RAB40B: variants seen among roughly 807,000 people sequenced by gnomAD.
The protein encoded by RAB40B is ras-related protein Rab-40B.
In RAB40B, 21 loss-of-function variants were observed where a neutral mutation model predicts 24.0. That is an observed-to-expected ratio of 0.88 (90% confidence interval 0.62 to 1.26). The LOEUF (loss-of-function observed/expected upper bound fraction) is 1.26. Among genes scored for constraint, RAB40B ranks in the 50% most tolerant of loss-of-function variants. RAB40B has a pLI of 0.00. For missense variants in RAB40B, 348 were observed against 390.5 expected, an observed-to-expected ratio of 0.89 and a Z score of 0.92; for synonymous variants, 167 against 169.8, an observed-to-expected ratio of 0.98 and a Z score of 0.13.
At chr17:82,668,561 G>T (rs1446131597) in intron 1 of RAB40B, among the ~76,000 whole-genome samples, 2 of 152,286 alleles carry the variant, frequency 1.3e-5, no homozygotes. Flanking sequence ...GGCTGAGGTG[G>T]CAAGGGCTGG....
chr17:82,681,857 A>G (rs1457736530), intron 1 of RAB40B, among the ~76,000 whole-genome samples: 2 of 152,158 alleles, frequency 1.3e-5, no homozygotes, highest in Non-Finnish European at 2.9e-5. Flanking sequence ...CAAACTAGGA[A>G]TACAATTCCC....
In RAB40B at chr17:82,657,856, G is replaced by T; in HGVS notation, c.*7C>A. ...GAGATTCCGCCGTGTTTCTTTCAGTGCCTTCCTTAAGAAATTTTGCAGCTG... is the reference window on the plus strand; with the variant it reads ...GAGATTCCGCCGTGTTTCTTTCAGTTCCTTCCTTAAGAAATTTTGCAGCTG... On this transcript the variant is annotated 3_prime_UTR_variant, in exon 6 of 6. Transcript: ENST00000571995. The T allele has an allele frequency of 6.5e-7, 1 of 1,529,830 alleles. No individual in the cohort carries two copies. Among genetic ancestry groups the T allele is most frequent in the Non-Finnish European group, 8.8e-7 (1 of 1,130,954 alleles). The allele number at this position is 1,529,830 out of a possible 1,614,324, so 94.8% of individuals were successfully genotyped here.
chr17:82,660,623 GCACA>G (rs150617991), intron 3 of RAB40B, among the ~76,000 whole-genome samples: 7 of 138,598 alleles, frequency 5.1e-5, no homozygotes, highest in East Asian at 2.2e-4. Context: ...GCACACACGT[GCACA>G]CACACACGCA....
chr17:82,679,648 C>T (rs1412918575), intron 1 of RAB40B, among the ~76,000 whole-genome samples: 2 of 133,284 alleles, frequency 1.5e-5, no homozygotes, highest in Non-Finnish European at 3.3e-5. Flanking sequence ...GGCCTGGGAC[C>T]AGCATCAGGC....
In RAB40B at chr17:82,655,321, G is replaced by A. The variant is rs932169925; in HGVS notation, c.*2542C>T. ...GACTTCTGGTGGTGTTTCCCTGGAG[G>A]GCCAAGGCCTCCGGGCGGCCCGTGC... On this transcript the variant is annotated 3_prime_UTR_variant, in exon 6 of 6. Transcript: ENST00000571995. 2 of 152,238 alleles carry A rather than the reference G, an allele frequency of 1.3e-5. No individual in the cohort carries two copies. The highest frequency in any genetic ancestry group is 3.9e-4 in the East Asian group (2 of 5,186). The allele number at this position is 152,238 out of a possible 1,614,324, so 9.4% of individuals were successfully genotyped here.
At position 82,695,205 on chromosome 17, in the gene RAB40B, T is replaced by G. The variant is rs2046596471; in HGVS notation, c.142+3250A>C. ...TCTTTCTTTCTTTCTTTCTTTTTTTTTTTTCGAGACAAAATCTCACTCTGT... is the reference window on the plus strand; with the variant it reads ...TCTTTCTTTCTTTCTTTCTTTTTTTGTTTTCGAGACAAAATCTCACTCTGT... On this transcript the variant is annotated intron_variant, in intron 1 of 5. Transcript: ENST00000571995. Among the ~76,000 whole-genome samples, 3 of 150,748 alleles carry G rather than the reference T, an allele frequency of 2.0e-5. 1 individual carries two copies. In the South Asian group the frequency reaches 6.2e-4, roughly 31 times the overall value.
In RAB40B at chr17:82,692,438, C is replaced by A. The variant is rs548056660; in HGVS notation, c.142+6017G>T. Among the ~76,000 whole-genome samples, 18 of 152,210 alleles carry A rather than the reference C, an allele frequency of 1.2e-4. No homozygotes were observed. The highest frequency in any genetic ancestry group is 1.8e-4 in the Non-Finnish European group (12 of 68,044). On this transcript the variant is annotated intron_variant, in intron 1 of 5. Coordinates refer to ENST00000571995, the MANE Select transcript of RAB40B (RefSeq NM_006822.3). This position sits in a 1 kb window ranked among gnomAD's most constrained non-coding sequence, Gnocchi z 4.0. Reference sequence around the variant, plus strand: ...CAGCTGCCTGAGCAAGGACAAGATGCATCTGACTGCCCTGGCCAGCACAGG... The same window carrying A: ...CAGCTGCCTGAGCAAGGACAAGATGAATCTGACTGCCCTGGCCAGCACAGG...
intron 1 of RAB40B, among the ~76,000 whole-genome samples, chr17:82,683,231 G>A (rs2046463147): frequency 6.6e-6 from 1 of 152,130 alleles, no homozygotes; most frequent in Admixed American, 6.5e-5. Context: ...ATTTCTAGAA[G>A]AAAATCTTTG....
chr17:82,686,321 AG>A (rs990437204), intron 1 of RAB40B, among the ~76,000 whole-genome samples: 7 of 152,070 alleles, frequency 4.6e-5, no homozygotes, highest in African/African-American at 1.7e-4. Context: ...CATGTTGGCC[AG>A]GCTGGTCTCG....
At chr17:82,665,037 AAGTAC>A (rs1251586659) in intron 1 of RAB40B, 1 of 164,556 alleles carries the variant, frequency 6.1e-6, no homozygotes, top group African/African-American at 2.4e-5. Context: ...CACACTAGGA[AAGTAC>A]AGTAAAGACA....
At chr17:82,662,085 C>G in intron 2 of RAB40B, 1 of 985,354 alleles carries the variant, frequency 1.0e-6, no homozygotes. Context: ...CACAACCTCA[C>G]GGATGAGCGG....
At chr17:82,661,846 C>G in intron 2 of RAB40B, 1 of 889,848 alleles carries the variant, frequency 1.1e-6, no homozygotes, top group Non-Finnish European at 1.3e-6. Context: ...GATATCGTGC[C>G]ACTGCACTCC....
At chr17:82,685,239 G>C (rs1300383752) in intron 1 of RAB40B, among the ~76,000 whole-genome samples, 4 of 139,606 alleles carry the variant, frequency 2.9e-5, no homozygotes, top group Admixed American at 2.9e-4. Context: ...GGAGGACGGA[G>C]GAGGGAGGGG....
rs574191509 is a variant in RAB40B at position 82,658,719 on chromosome 17, G to A, written c.343-6C>T. ...TTGGGGACTCCGGGGGCATGCTAGC[G>A]GGCAGGAGAAAGGCGAGGAGCATGG... On this transcript the variant is annotated splice_polypyrimidine_tract_variant and splice_region_variant and intron_variant, in intron 4 of 5. Coordinates refer to ENST00000571995, the MANE Select transcript of RAB40B (RefSeq NM_006822.3). 32 of 1,605,138 alleles carry A rather than the reference G, an allele frequency of 2.0e-5. No homozygotes were observed. The East Asian group carries it at 3.4e-4, about 17-fold the overall frequency.
chr17:82,698,533 C>A lies in RAB40B; in HGVS notation c.64G>T (p.Asp22Tyr). ...DFLLKFLLVG[D>Y]SDVGKGEILA... The stretch of plus-strand genomic sequence containing the variant: ...ATCTCGCCCTTGCCCACGTCGCTGT[C>A]GCCCACCAGCAGGAACTTGAGCAGA... Residue 22 changes from aspartate (D) to tyrosine (Y), a missense_variant, in exon 1 of 6, where the codon GAC becomes TAC. Transcript: ENST00000571995. 1 of 1,529,608 alleles carries A rather than the reference C, an allele frequency of 6.5e-7. No homozygotes were observed. The allele number at this position is 1,529,608 out of a possible 1,614,324, so 94.8% of individuals were successfully genotyped here. A position where few individuals can be genotyped will look rare whatever the true frequency, so the allele number is the denominator to read the frequency against.
rs553681262 is a variant in RAB40B at position 82,697,533 on chromosome 17, G to A, written c.142+922C>T. On this transcript the variant is annotated intron_variant, in intron 1 of 5. Transcript: ENST00000571995. This position sits in a 1 kb window ranked among gnomAD's most constrained non-coding sequence, Gnocchi z 4.9. Reference sequence around the variant, plus strand: ...AAGCGTGGGTTCAGCCCCGAGGCGCGGCAGGAAGGTGGGCACAGGCTGGGC... The same window carrying A: ...AAGCGTGGGTTCAGCCCCGAGGCGCAGCAGGAAGGTGGGCACAGGCTGGGC... 2.6e-5 allele frequency among the ~76,000 whole-genome samples: 4 copies of A among 152,112 alleles called. No individual in the cohort carries two copies. Among genetic ancestry groups the A allele is most frequent in the Admixed American group, 1.3e-4 (2 of 15,276 alleles).
At chr17:82,671,169 C>T (rs1439901179) in intron 1 of RAB40B, among the ~76,000 whole-genome samples, 6 of 148,194 alleles carry the variant, frequency 4.0e-5, no homozygotes, top group African/African-American at 1.3e-4. Context: ...TCACACACAT[C>T]CTGTACTCAC....
chr17:82,655,670 G>C lies in RAB40B; in HGVS notation c.*2193C>G, dbSNP rs762677767. The C allele has an allele frequency of 6.6e-6, 1 of 152,338 alleles. No individual in the cohort carries two copies. The highest frequency in any genetic ancestry group is 1.5e-5 in the Non-Finnish European group (1 of 68,110). The allele number at this position is 152,338 out of a possible 1,614,324, so 9.4% of individuals were successfully genotyped here. Reference sequence around the variant, plus strand: ...CGGCCCTGTCGTTCTCACCCCACCTGTGGCACAGCAGAGAGAAGGGTGCAC... The same window carrying C: ...CGGCCCTGTCGTTCTCACCCCACCTCTGGCACAGCAGAGAGAAGGGTGCAC... On this transcript the variant is annotated 3_prime_UTR_variant, in exon 6 of 6. Transcript: ENST00000571995.
intron 2 of RAB40B, 71 bp downstream of exon 2, chr17:82,664,424 CA>C: frequency 6.7e-7 from 1 of 1,494,470 alleles, no homozygotes; most frequent in Non-Finnish European, 9.2e-7. Flanking sequence ...ACTGTGCTGA[CA>C]GGGGGTGCTA....
Sources: gnomAD v4.1 joint callset for allele counts (sites outside exome capture counted in the v4.1 genomes callset) on GRCh38, gnomAD v4.1.1 for gene constraint, Gnocchi (gnomAD v3.1) non-coding constraint, MANE v1.5 for transcripts, NCBI Gene and HGNC (gene_info 2026-07-23, HGNC 2026-07-21) for gene names.